The following DSC3 variants were observed in gnomAD, a reference collection of about 807,000 sequenced individuals.
DSC3 encodes desmocollin 3.
DSC3 carries 97 observed loss-of-function variants against 89.5 expected under a neutral mutation model. The observed-to-expected ratio is 1.08, with a 90% CI of 0.92 to 1.28. The LOEUF is 1.28. Among genes scored for constraint, DSC3 ranks in the 50% most tolerant of loss-of-function variants. The probability of loss-of-function intolerance (pLI) is 0.00; values close to 1 mark genes in which losing one functional copy is unlikely to be tolerated. For synonymous variants in DSC3, 436 were observed against 384.1 expected (o/e 1.14, Z -1.58); for missense variants, 1,199 against 1,085.3 (o/e 1.10, Z -1.47).
rs1042918252 is a variant in DSC3, at chr18:31,041,993, C to G, written c.69+599G>C. Among the ~76,000 whole-genome samples, 15 of 152,242 alleles carry G rather than the reference C, an allele frequency of 9.9e-5. No individual in the cohort carries two copies. The East Asian group carries it at 2.5e-3, about 26-fold the overall frequency. On this transcript the variant is annotated intron_variant, in intron 1 of 15. Coordinates refer to ENST00000360428, the MANE Select transcript of DSC3 (RefSeq NM_001941.5). Reference sequence around the variant, plus strand: ...TCGCGCCCCCGGCACATCCCGCCCCCAGCTGGGTGGCTGGCGGGGGTGGAC... The same window carrying G: ...TCGCGCCCCCGGCACATCCCGCCCCGAGCTGGGTGGCTGGCGGGGGTGGAC...
Position 31,031,183 on chromosome 18 carries a change from A to G in DSC3, c.155-11T>C. On this transcript the variant is annotated splice_polypyrimidine_tract_variant and intron_variant, in intron 2 of 15. Coordinates refer to ENST00000360428, the MANE Select transcript of DSC3 (RefSeq NM_001941.5). Reference sequence around the variant, plus strand: ...ACTCTTCCAAATTAACTGCAAGTAAAAATTTCCAAGTTGTAAGGTAAAAAC... The same window carrying G: ...ACTCTTCCAAATTAACTGCAAGTAAGAATTTCCAAGTTGTAAGGTAAAAAC... 6.2e-7 allele frequency: 1 copy of G among 1,601,348 alleles called. No homozygotes were observed. The highest frequency in any genetic ancestry group is 1.1e-5 in the South Asian group (1 of 88,792).
At chr18:31,020,444 AT>A (rs900444050) in intron 7 of DSC3, among the ~76,000 whole-genome samples, 1 of 152,198 alleles carries the variant, frequency 6.6e-6, no homozygotes, top group African/African-American at 2.4e-5. Context: ...TTGCTGTTAG[AT>A]TTGCAAAAAA....
rs1984207421 is a variant in DSC3, at chr18:30,990,747, C to T, written c.*3428G>A. On this transcript the variant is annotated 3_prime_UTR_variant, in exon 16 of 16. Transcript: ENST00000360428. ...TACACTGGTCCTCAAAGTAAAACCC[C>T]TGTGTCAGTGTACTATTCATGGAAT... The T allele has an allele frequency of 6.6e-6, 1 of 152,128 alleles. No individual in the cohort carries two copies. Among genetic ancestry groups the T allele is most frequent in the African/African-American group, 2.4e-5 (1 of 41,428 alleles). 9.4% of individuals were successfully genotyped at this position (152,128 alleles called of 1,614,324 possible).
In DSC3 at chr18:31,018,624, T is replaced by C. The variant is rs143433071; in HGVS notation, c.1077+42A>G. 1.1e-4 allele frequency: 172 copies of C among 1,591,916 alleles called. No individual in the cohort carries two copies. The African/African-American group carries it at 2.0e-3, about 18-fold the overall frequency. ...TTAATTCAGTTTAAATAAAAAATGA[T>C]AGCAGATAAGACAGAGGCAGATTTT... On this transcript the variant is annotated intron_variant, in intron 8 of 15. Coordinates refer to ENST00000360428, the MANE Select transcript of DSC3 (RefSeq NM_001941.5).
In DSC3 at chr18:31,042,724, G is replaced by A; in HGVS notation, c.-64C>T. 6.9e-7 allele frequency: 1 copy of A among 1,448,568 alleles called. No homozygotes were observed. The allele number at this position is 1,448,568 out of a possible 1,614,324, so 89.7% of individuals were successfully genotyped here. A position where few individuals can be genotyped will look rare whatever the true frequency, so the allele number is the denominator to read the frequency against. On this transcript the variant is annotated 5_prime_UTR_variant, in exon 1 of 16. Transcript: ENST00000360428. ...GAGGGTGCCGAGAGCGAGACCTGCC[G>A]AGGTGCAGGGCGCGGGAGGTGCTTT...
Position 31,007,894 on chromosome 18 carries a change from G to A in DSC3, c.1663+122C>T, listed in dbSNP as rs111866117. 2.9e-3 allele frequency: 2,574 copies of A among 899,204 alleles called. 54 individuals are homozygous for A. The African/African-American group carries it at 0.038, about 13-fold the overall frequency. The allele number at this position is 899,204 out of a possible 1,614,324, so 55.7% of individuals were successfully genotyped here. A position where few individuals can be genotyped will look rare whatever the true frequency, so the allele number is the denominator to read the frequency against. On this transcript the variant is annotated intron_variant, in intron 11 of 15. Transcript: ENST00000360428. ...GTTAGATAATTAAGAGAGACAGAAA[G>A]AGTCTTTAAAGTAATTTCAAAGAAT... is the stretch of plus-strand genomic sequence containing the variant.
intron 7 of DSC3, among the ~76,000 whole-genome samples, chr18:31,019,690 G>A (rs1985355766): frequency 6.6e-6 from 1 of 152,130 alleles, no homozygotes; most frequent in South Asian, 2.1e-4. Context: ...GCTACTTGAG[G>A]TGCTGAGGCG....
intron 12 of DSC3, among the ~76,000 whole-genome samples, chr18:31,004,875 G>C (rs779411244): frequency 6.6e-6 from 1 of 152,064 alleles, no homozygotes; most frequent in Non-Finnish European, 1.5e-5. Context: ...TGTCACTCAG[G>C]CTACTTATAA....
chr18:31,030,401 C>A (rs933922937), intron 3 of DSC3, among the ~76,000 whole-genome samples: 1 of 152,174 alleles, frequency 6.6e-6, no homozygotes, highest in African/African-American at 2.4e-5. Context: ...ATACAGTTAA[C>A]ACAGATTAGA....
Position 31,018,802 on chromosome 18 carries a change from T to G in DSC3, c.943-2A>C. The G allele has an allele frequency of 6.2e-7, 1 of 1,613,410 alleles. No individual in the cohort carries two copies. Among genetic ancestry groups the G allele is most frequent in the Non-Finnish European group, 8.5e-7 (1 of 1,179,826 alleles). The stretch of plus-strand genomic sequence containing the variant: ...TATCAATGAGTACTTGTCTACAACC[T>G]GGAAACAAAGCAAATATTTAACTAG... On this transcript the variant is annotated splice_acceptor_variant, in intron 7 of 15. Transcript: ENST00000360428. LOFTEE classifies it high-confidence loss of function.
At chr18:31,033,089 C>T (rs975665365) in intron 1 of DSC3, among the ~76,000 whole-genome samples, 2 of 151,924 alleles carry the variant, frequency 1.3e-5, no homozygotes, top group African/African-American at 2.4e-5. Context: ...GAATAAAATA[C>T]TTAGGAATAA....
intron 9 of DSC3, among the ~76,000 whole-genome samples, chr18:31,016,951 T>G (rs1321706186): frequency 6.6e-6 from 1 of 152,176 alleles, no homozygotes; most frequent in Admixed American, 6.5e-5. Context: ...CCTAAATACA[T>G]TCCCATGTTC....
At chr18:30,997,328 T>C (rs1251828327) in intron 14 of DSC3, among the ~76,000 whole-genome samples, 1 of 152,134 alleles carries the variant, frequency 6.6e-6, no homozygotes, top group Non-Finnish European at 1.5e-5. Context: ...AGTTCACATT[T>C]GGCGAGGGCC....
At chr18:31,033,810 A>T (rs1985880982) in intron 1 of DSC3, among the ~76,000 whole-genome samples, 1 of 152,116 alleles carries the variant, frequency 6.6e-6, no homozygotes, top group Non-Finnish European at 1.5e-5. Flanking sequence ...AAATACAACA[A>T]CTCATAGAAT....
intron 5 of DSC3, among the ~76,000 whole-genome samples, chr18:31,025,481 C>T (rs1376697522): frequency 1.3e-5 from 2 of 152,042 alleles, no homozygotes; most frequent in Non-Finnish European, 2.9e-5. Context: ...ATCTCATAAG[C>T]AAAACCAACT....
At chr18:31,032,585 T>TGTGTGC (rs771649417) in intron 1 of DSC3, among the ~76,000 whole-genome samples, 5 of 117,718 alleles carry the variant, frequency 4.2e-5, no homozygotes, top group Non-Finnish European at 6.9e-5. Flanking sequence ...TGTGTGTGTG[T>TGTGTGC]GTGTGCGTGT....
Position 30,994,342 on chromosome 18 carries a change from G to C in DSC3, c.2524C>G (p.Arg842Gly). 6.2e-7 allele frequency: 1 copy of C among 1,613,782 alleles called. No homozygotes were observed. The highest frequency in any genetic ancestry group is 8.5e-7 in the Non-Finnish European group (1 of 1,179,916). Residue 842 changes from arginine to glycine, a missense_variant, in exon 16 of 16, where the codon CGC becomes GGC. Physicochemically the swap from Arg to Gly is moderately radical, Grantham distance 125. Coordinates refer to ENST00000360428, the MANE Select transcript of DSC3 (RefSeq NM_001941.5). ...KLHRCNQNEDRMPSQDYVLTY... is the reference protein window; with the variant it reads ...KLHRCNQNEDGMPSQDYVLTY... ...AGGACATAATCTTGGGATGGCATGC[G>C]GTCTTCATTCTGATTACATCGATGC... is the stretch of plus-strand genomic sequence containing the variant.
intron 3 of DSC3, among the ~76,000 whole-genome samples, 178 bp from the exon 4 acceptor site, chr18:31,029,806 T>C (rs1985721784): frequency 6.6e-6 from 1 of 152,188 alleles, no homozygotes; most frequent in South Asian, 2.1e-4. Flanking sequence ...AGAAAGAACA[T>C]ATCCAGATTT....
Position 31,008,196 on chromosome 18 carries a change from A to G in DSC3, c.1521-38T>C, listed in dbSNP as rs763978533. ...AAAAAATAGTCTTTAGCATCAGAAA[A>G]TGTTTTCAAATAAGTTACTATCTCA... is the stretch of plus-strand genomic sequence containing the variant. On this transcript the variant is annotated intron_variant, in intron 10 of 15. Coordinates refer to ENST00000360428, the MANE Select transcript of DSC3 (RefSeq NM_001941.5). 3.1e-6 allele frequency: 5 copies of G among 1,608,264 alleles called. No homozygotes were observed. In the South Asian group the frequency reaches 5.5e-5, roughly 18 times the overall value.
Sources: allele counts gnomAD v4.1 joint callset (sites outside exome capture counted in the v4.1 genomes callset), GRCh38; gene constraint gnomAD v4.1.1; transcripts MANE v1.5; gene names NCBI Gene and HGNC (gene_info 2026-07-23, HGNC 2026-07-21).